UNC13C: variants seen among roughly 807,000 people sequenced by gnomAD.
UNC13C encodes protein unc-13 homolog C.
A neutral mutation model predicts 245.4 loss-of-function variants in UNC13C; 174 were observed. The observed-to-expected ratio is 0.71, with a 90% CI of 0.63 to 0.80. The LOEUF is 0.80. Ranked by LOEUF, UNC13C falls within the 30% of genes least tolerant of loss-of-function variation. The probability of loss-of-function intolerance (pLI) is 0.00; values close to 1 mark genes in which losing one functional copy is unlikely to be tolerated. For synonymous variants in UNC13C, 992 were observed against 895.1 expected, an observed-to-expected ratio of 1.11 and a Z score of -1.93; for missense variants, 2,829 against 2,602.9, an observed-to-expected ratio of 1.09 and a Z score of -1.89.
At chr15:54,552,768 A>T (rs1389651206) in intron 28 of UNC13C, among the ~76,000 whole-genome samples, 1 of 85,186 alleles carries the variant, frequency 1.2e-5, no homozygotes, top group South Asian at 4.0e-4. Flanking sequence ...TATAATATAT[A>T]GTACAATATA....
chr15:54,312,270 T>C (rs528962951), intron 13 of UNC13C, among the ~76,000 whole-genome samples: 3 of 151,624 alleles, frequency 2.0e-5, no homozygotes, highest in Non-Finnish European at 3.0e-5. Context: ...ATCCTGCTTG[T>C]TTTGGCAACT....
At chr15:54,536,519 G>A (rs1283684961) in intron 26 of UNC13C, among the ~76,000 whole-genome samples, 1 of 151,904 alleles carries the variant, frequency 6.6e-6, no homozygotes, top group African/African-American at 2.4e-5. Flanking sequence ...AGCTGGCAAA[G>A]ACACAACAAA....
chr15:54,029,290 C>A (rs989889765), intron 2 of UNC13C, among the ~76,000 whole-genome samples: 1 of 152,186 alleles, frequency 6.6e-6, no homozygotes. Context: ...ACATAGGGAA[C>A]CAAATAAGTC....
chr15:54,228,140 A>G (rs1253186715), intron 4 of UNC13C, among the ~76,000 whole-genome samples: 4 of 152,082 alleles, frequency 2.6e-5, no homozygotes, highest in Non-Finnish European at 5.9e-5. Context: ...CCACTGCCCT[A>G]GGCCCATAGT....
intron 19 of UNC13C, among the ~76,000 whole-genome samples, chr15:54,447,082 C>A (rs1179734661): frequency 6.6e-6 from 1 of 152,046 alleles, no homozygotes; most frequent in Non-Finnish European, 1.5e-5. Flanking sequence ...TGTTTATGTG[C>A]TGGATTACGT....
At chr15:54,036,265 A>G (rs1403368679) in intron 2 of UNC13C, among the ~76,000 whole-genome samples, 1 of 152,160 alleles carries the variant, frequency 6.6e-6, no homozygotes, top group Non-Finnish European at 1.5e-5. Context: ...GTGGTTTTCA[A>G]CTTGAGGTGC....
At chr15:54,444,803 A>T (rs1890717043) in intron 19 of UNC13C, among the ~76,000 whole-genome samples, 1 of 151,270 alleles carries the variant, frequency 6.6e-6, no homozygotes, top group South Asian at 2.1e-4. Context: ...TTATATATAT[A>T]TTACTTTTAT....
chr15:54,281,147 AC>A (rs1282879277), intron 10 of UNC13C, among the ~76,000 whole-genome samples: 4 of 152,152 alleles, frequency 2.6e-5, no homozygotes, highest in African/African-American at 9.7e-5. Context: ...ACTTATACAG[AC>A]TGACTATATA....
chr15:54,010,021 G>A (rs1416976257), intron 1 of UNC13C, among the ~76,000 whole-genome samples: 1 of 152,190 alleles, frequency 6.6e-6, no homozygotes, highest in Admixed American at 6.5e-5. Context: ...CAAAGTGGAT[G>A]CTTCTCCACC....
chr15:54,173,075 C>G (rs763412526), intron 4 of UNC13C, among the ~76,000 whole-genome samples: 116 of 151,922 alleles, frequency 7.6e-4, no homozygotes, highest in Non-Finnish European at 1.4e-3. Context: ...AACTCTCTAT[C>G]CTGTTCACTA....
chr15:54,485,689 T>G (rs918581386), intron 19 of UNC13C, among the ~76,000 whole-genome samples: 2 of 152,078 alleles, frequency 1.3e-5, no homozygotes, highest in African/African-American at 4.8e-5. Context: ...CTAGTCCGGG[T>G]TTCTCTCTGA....
At chr15:54,087,834 A>G (rs959480039) in intron 2 of UNC13C, among the ~76,000 whole-genome samples, 1 of 152,210 alleles carries the variant, frequency 6.6e-6, no homozygotes, top group African/African-American at 2.4e-5. Context: ...TCTGTGCCAG[A>G]GACTTTCCTG....
chr15:54,055,313 A>G (rs1897461205), intron 2 of UNC13C, among the ~76,000 whole-genome samples: 3 of 152,186 alleles, frequency 2.0e-5, no homozygotes, highest in Admixed American at 2.0e-4. Context: ...TTATCATATC[A>G]TATCATTAGT....
intron 29 of UNC13C, among the ~76,000 whole-genome samples, chr15:54,565,131 A>G (rs1415254879): frequency 6.6e-6 from 1 of 151,984 alleles, no homozygotes; most frequent in African/African-American, 2.4e-5. Flanking sequence ...GGCTCCTTAG[A>G]TAACAGAATT....
rs779575535 is a variant in UNC13C, at chr15:54,014,621, C to G, written c.1718C>G (p.Thr573Ser). Residue 573 changes from threonine to serine, a missense_variant, in exon 2 of 33, where the codon ACT (threonine) becomes AGT (serine). By Grantham distance (58) the Thr-to-Ser change is moderately conservative (BLOSUM62 1). Coordinates refer to ENST00000260323, the MANE Select transcript of UNC13C (RefSeq NM_001080534.3). ...TCAGAAAATCAGTTTTTCACTAGAA[C>G]TAATGGAAGCTCTCTCCTGTCATCT... Reference protein sequence around the residue: ...DFSENQFFTRTNGSSLLSSSD... With the variant: ...DFSENQFFTRSNGSSLLSSSD... 1 of 1,613,634 alleles carries G rather than the reference C, an allele frequency of 6.2e-7. No individual in the cohort carries two copies. The highest frequency in any genetic ancestry group is 8.5e-7 in the Non-Finnish European group (1 of 1,179,762).
At chr15:54,378,017 G>A (rs1034802043) in intron 17 of UNC13C, among the ~76,000 whole-genome samples, 6 of 151,550 alleles carry the variant, frequency 4.0e-5, no homozygotes, top group African/African-American at 1.5e-4. Flanking sequence ...TTTTTTTTTG[G>A]TACAGCATTC....
intron 8 of UNC13C, among the ~76,000 whole-genome samples, chr15:54,259,075 A>C (rs866835225): frequency 5.3e-5 from 8 of 152,368 alleles, no homozygotes; most frequent in African/African-American, 1.9e-4. Flanking sequence ...AGAAGGGGCA[A>C]GTGAGCTCCC....
chr15:54,267,549 A>G (rs2036578074), intron 10 of UNC13C, among the ~76,000 whole-genome samples: 1 of 151,996 alleles, frequency 6.6e-6, no homozygotes, highest in Non-Finnish European at 1.5e-5. Context: ...GTTACATTCT[A>G]TTTCTGTATC....
intron 4 of UNC13C, among the ~76,000 whole-genome samples, chr15:54,187,936 A>C (rs1004029979): frequency 1.6e-4 from 25 of 152,122 alleles, no homozygotes; most frequent in African/African-American, 5.8e-4. Context: ...CAGTCTCCCA[A>C]GTAGCTGGGA....
Sources: allele counts gnomAD v4.1 joint callset (sites outside exome capture counted in the v4.1 genomes callset), GRCh38; gene constraint gnomAD v4.1.1; transcripts MANE v1.5; gene names NCBI Gene and HGNC (gene_info 2026-07-23, HGNC 2026-07-21).